Variants in LRBA observed in about 807,000 individuals in gnomAD.
The protein encoded by LRBA is lipopolysaccharide-responsive and beige-like anchor protein.
LRBA carries 176 observed loss-of-function variants against 330.0 expected under a neutral mutation model. The ratio of observed to expected loss-of-function variants is 0.53; its 90% confidence interval spans 0.47 to 0.60. The LOEUF (loss-of-function observed/expected upper bound fraction) is 0.60, where lower values mean the gene tolerates loss of function less well. Among genes scored for constraint, LRBA ranks in the 20% least tolerant of loss-of-function variants. The pLI is 0.00. For missense variants in LRBA, 3,259 were observed against 3,444.8 expected, an observed-to-expected ratio of 0.95 and a Z score of 1.35; for synonymous variants, 1,230 against 1,193.0, an observed-to-expected ratio of 1.03 and a Z score of -0.64.
chr4:150,509,306 T>C (rs1457167871), intron 40 of LRBA, among the ~76,000 whole-genome samples: 3 of 151,652 alleles, frequency 2.0e-5, no homozygotes, highest in Admixed American at 6.6e-5. Flanking sequence ...AAATAACCTA[T>C]GAGTAAGAGA....
At chr4:150,936,299 A>T (rs186262897) in intron 2 of LRBA, among the ~76,000 whole-genome samples, 1 of 152,198 alleles carries the variant, frequency 6.6e-6, no homozygotes, top group African/African-American at 2.4e-5. Flanking sequence ...AGAAAAATTA[A>T]GAGGAAAAAT....
chr4:150,889,142 T>C (rs1018303345), intron 17 of LRBA, among the ~76,000 whole-genome samples: 1 of 152,136 alleles, frequency 6.6e-6, no homozygotes, highest in Non-Finnish European at 1.5e-5. Context: ...TTAGATGAGG[T>C]CCAGACATAT....
intron 17 of LRBA, among the ~76,000 whole-genome samples, 153 bp from the exon 18 acceptor site, chr4:150,872,908 C>A (rs1379687561): frequency 6.6e-6 from 1 of 152,030 alleles, no homozygotes; most frequent in Non-Finnish European, 1.5e-5. Flanking sequence ...ATCTGCTTAT[C>A]TCAGGCTAGA....
chr4:150,916,952 G>A lies in LRBA; in HGVS notation c.646-214C>T, dbSNP rs183092056. On this transcript the variant is annotated intron_variant, in intron 5 of 56. Coordinates refer to ENST00000651943, the MANE Select transcript of LRBA (RefSeq NM_001364905.1). Reference sequence around the variant, plus strand: ...GTGCATCACAAGGTCAGGAGATTGAGACCATCCTGGCTAACACGGTGAAAC... The same window carrying A: ...GTGCATCACAAGGTCAGGAGATTGAAACCATCCTGGCTAACACGGTGAAAC... 1.6e-4 allele frequency among the ~76,000 whole-genome samples: 25 copies of A among 152,252 alleles called. No individual in the cohort carries two copies. In the East Asian group the frequency reaches 3.3e-3, roughly 20 times the overall value.
At chr4:150,384,363 A>G (rs1742751358) in intron 47 of LRBA, among the ~76,000 whole-genome samples, 1 of 152,120 alleles carries the variant, frequency 6.6e-6, no homozygotes, top group Non-Finnish European at 1.5e-5. Context: ...ACATCTATAT[A>G]AAAGGTTGTG....
At chr4:150,442,970 A>T (rs1396589297) in intron 44 of LRBA, among the ~76,000 whole-genome samples, 1 of 152,234 alleles carries the variant, frequency 6.6e-6, no homozygotes, top group African/African-American at 2.4e-5. Flanking sequence ...TTATCTGATG[A>T]CAATGCTACT....
intron 34 of LRBA, among the ~76,000 whole-genome samples, chr4:150,773,131 C>T (rs139560585): frequency 2.0e-5 from 3 of 152,096 alleles, no homozygotes; most frequent in Non-Finnish European, 4.4e-5. Context: ...AAATGCCTTA[C>T]CAAAAAGTCT....
chr4:150,583,453 A>G lies in LRBA; in HGVS notation c.6330+4595T>C. 6.2e-7 allele frequency: 1 copy of G among 1,613,906 alleles called. No individual in the cohort carries two copies. The highest frequency in any genetic ancestry group is 8.5e-7 in the Non-Finnish European group (1 of 1,180,024). ...GACGCTGGTGGCCCAGGCGGTGGAC[A>G]AGTGCAGCTATCGGGATGTGGTCAA... On this transcript the variant is annotated intron_variant, in intron 40 of 56. Transcript: ENST00000651943. This position sits in a 1 kb window ranked among gnomAD's most constrained non-coding sequence, Gnocchi z 9.8.
Position 150,643,321 on chromosome 4 carries a change from A to C in LRBA, c.5921+40230T>G, listed in dbSNP as rs145651418. 5.9e-5 allele frequency among the ~76,000 whole-genome samples: 9 copies of C among 152,080 alleles called. No homozygotes were observed. The East Asian group carries it at 1.7e-3, about 29-fold the overall frequency. Reference sequence around the variant, plus strand: ...GAAATTAGCAATCAAAGAAAAAATTAATTTATAATAAAATGTCATAAAAAG... The same window carrying C: ...GAAATTAGCAATCAAAGAAAAAATTCATTTATAATAAAATGTCATAAAAAG... On this transcript the variant is annotated intron_variant, in intron 37 of 56. Transcript: ENST00000651943.
At chr4:150,776,115 G>A (rs548620845) in intron 34 of LRBA, among the ~76,000 whole-genome samples, 28 of 152,110 alleles carry the variant, frequency 1.8e-4, no homozygotes, top group East Asian at 1.2e-3. Flanking sequence ...CTCAATGGTC[G>A]TCTTTCACAA....
rs1581392451 is a variant in LRBA at position 150,464,203 on chromosome 4, A to C, written c.6780+3470T>G. On this transcript the variant is annotated intron_variant, in intron 44 of 56. Transcript: ENST00000651943. ...TGCTGAAATAGAGTCCAAACTGTGGATTCAGCCCTGAAACAGAAGGCAAGG... is the reference window on the plus strand; with the variant it reads ...TGCTGAAATAGAGTCCAAACTGTGGCTTCAGCCCTGAAACAGAAGGCAAGG... Among the ~76,000 whole-genome samples, 7 of 152,188 alleles carry C rather than the reference A, an allele frequency of 4.6e-5. 2 individuals are homozygous for C. Among genetic ancestry groups the C allele is most frequent in the Admixed American group, 6.6e-5 (1 of 15,258 alleles).
At chr4:150,579,465 C>T (rs943705122) in intron 40 of LRBA, 78 of 390,450 alleles carry the variant, frequency 2.0e-4, no homozygotes, top group African/African-American at 1.6e-3. Context: ...AGTACCACGG[C>T]CATAAATTAA....
At chr4:150,966,864 G>T (rs2149578117) in intron 2 of LRBA, among the ~76,000 whole-genome samples, 1 of 152,248 alleles carries the variant, frequency 6.6e-6, no homozygotes, top group South Asian at 2.1e-4. Context: ...GCTGAAACAA[G>T]ACAGCTTTGG....
At chr4:150,960,759 A>G (rs1233097667) in intron 2 of LRBA, among the ~76,000 whole-genome samples, 2 of 149,304 alleles carry the variant, frequency 1.3e-5, no homozygotes, top group Non-Finnish European at 2.9e-5. Flanking sequence ...TTTTACAATA[A>G]AAATTTTTAT....
intron 42 of LRBA, among the ~76,000 whole-genome samples, chr4:150,481,965 T>C (rs1202707311): frequency 2.6e-5 from 4 of 152,142 alleles, no homozygotes; most frequent in African/African-American, 9.6e-5. Context: ...TAGTATGATA[T>C]ACATTAAGTT....
intron 36 of LRBA, among the ~76,000 whole-genome samples, chr4:150,715,858 A>G (rs1338695322): frequency 1.3e-5 from 2 of 152,218 alleles, no homozygotes; most frequent in African/African-American, 2.4e-5. Flanking sequence ...GTTTTTAAGA[A>G]TAAGTGATAT....
At chr4:150,767,369 A>G (rs915758230) in intron 34 of LRBA, among the ~76,000 whole-genome samples, 23 of 152,206 alleles carry the variant, frequency 1.5e-4, no homozygotes, top group Admixed American at 7.2e-4. Context: ...GATTAAAAAG[A>G]TTACATATAA....
chr4:150,485,811 A>G (rs1464875390), intron 42 of LRBA, among the ~76,000 whole-genome samples: 1 of 151,992 alleles, frequency 6.6e-6, no homozygotes, highest in Non-Finnish European at 1.5e-5. Context: ...TAGTAATGAT[A>G]TGACTAGCTG....
chr4:150,845,053 A>G (rs1246467805), intron 26 of LRBA, among the ~76,000 whole-genome samples: 1 of 152,200 alleles, frequency 6.6e-6, no homozygotes. Context: ...TCAGTTCAGG[A>G]ATCTTAACAA....
Sources: allele counts gnomAD v4.1 joint callset (sites outside exome capture counted in the v4.1 genomes callset), GRCh38; gene constraint gnomAD v4.1.1; non-coding constraint Gnocchi (gnomAD v3.1); transcripts MANE v1.5; gene names NCBI Gene and HGNC (gene_info 2026-07-23, HGNC 2026-07-21).